Variants in ITGBL1 observed in about 807,000 individuals in gnomAD.
ITGBL1 encodes the protein integrin beta-like protein 1.
ITGBL1 carries 51 observed loss-of-function variants against 68.5 expected under a neutral mutation model. The observed-to-expected ratio is 0.74, with a 90% CI of 0.59 to 0.94. The LOEUF is 0.94. Ranked by LOEUF, ITGBL1 falls within the 40% of genes least tolerant of loss-of-function variation. The pLI, the probability that ITGBL1 is intolerant of heterozygous loss-of-function variation, is 0.00. For missense variants in ITGBL1, 649 were observed against 647.4 expected (o/e 1.00, Z -0.03); for synonymous variants, 209 against 227.3 (o/e 0.92, Z 0.72).
At chr13:101,624,384 T>C (rs1373506660) in intron 7 of ITGBL1, among the ~76,000 whole-genome samples, 2 of 152,156 alleles carry the variant, frequency 1.3e-5, no homozygotes, top group Non-Finnish European at 2.9e-5. Flanking sequence ...CACTTCCTTT[T>C]ATTTTCCCTG....
chr13:101,462,936 A>G (rs2048336932), intron 2 of ITGBL1, among the ~76,000 whole-genome samples: 1 of 152,174 alleles, frequency 6.6e-6, no homozygotes, highest in African/African-American at 2.4e-5. Context: ...AAGCATGAAG[A>G]GAGGGACTTA....
intron 2 of ITGBL1, among the ~76,000 whole-genome samples, chr13:101,531,881 C>T (rs970566964): frequency 2.0e-4 from 30 of 151,876 alleles, no homozygotes; most frequent in Non-Finnish European, 1.8e-4. Flanking sequence ...CAACAGGCGC[C>T]TGCCACAGGC....
intron 7 of ITGBL1, among the ~76,000 whole-genome samples, chr13:101,685,405 A>C (rs1194286729): frequency 6.6e-6 from 1 of 152,100 alleles, no homozygotes; most frequent in Non-Finnish European, 1.5e-5. Flanking sequence ...ACCTTGCCAA[A>C]ATGTTTTATT....
intron 6 of ITGBL1, among the ~76,000 whole-genome samples, chr13:101,593,559 A>G (rs1428494758): frequency 2.6e-5 from 4 of 152,122 alleles, no homozygotes; most frequent in Non-Finnish European, 5.9e-5. Context: ...AAATTGTGGT[A>G]TATATACACA....
At chr13:101,705,933 T>A (rs886365329) in intron 8 of ITGBL1, among the ~76,000 whole-genome samples, 2 of 152,164 alleles carry the variant, frequency 1.3e-5, no homozygotes, top group South Asian at 4.1e-4. Flanking sequence ...GGCAAATAGT[T>A]GATTCAGAGA....
At chr13:101,575,678 A>T in intron 4 of ITGBL1, 132 bp downstream of exon 4, 3 of 876,542 alleles carry the variant, frequency 3.4e-6, no homozygotes, top group Non-Finnish European at 5.3e-6. Flanking sequence ...TATCTGGAAA[A>T]CATTTCACAT....
rs1427490901 is a variant in ITGBL1 at position 101,715,715 on chromosome 13, G to C, written c.*61G>C. On this transcript the variant is annotated 3_prime_UTR_variant, in exon 11 of 11. Transcript: ENST00000376180. ...CTGGGCCATTAGAACAGATAAATGC[G>C]AAGGAAACCATGTATATTCACCACT... 3 of 1,057,484 alleles carry C rather than the reference G, an allele frequency of 2.8e-6. No individual in the cohort carries two copies. The highest frequency in any genetic ancestry group is 4.5e-6 in the Non-Finnish European group (3 of 673,304). 65.5% of individuals were successfully genotyped at this position (1,057,484 alleles called of 1,614,324 possible). A position where few individuals can be genotyped will look rare whatever the true frequency, so the allele number is the denominator to read the frequency against.
intron 7 of ITGBL1, among the ~76,000 whole-genome samples, chr13:101,650,722 G>T (rs1230503151): frequency 6.6e-6 from 1 of 151,352 alleles, no homozygotes; most frequent in Non-Finnish European, 1.5e-5. Context: ...TTGCTGTACA[G>T]ATCCGCCCAT....
At chr13:101,583,594 G>T (rs530645751) in intron 6 of ITGBL1, among the ~76,000 whole-genome samples, 2 of 152,192 alleles carry the variant, frequency 1.3e-5, no homozygotes, top group African/African-American at 2.4e-5. Flanking sequence ...TCTCCATGAT[G>T]TACTTATTTC....
At position 101,515,803 on chromosome 13, in the gene ITGBL1, C is replaced by T. The variant is rs1055106469; in HGVS notation, c.317-51896C>T. ...TGAGTCATCAGATTGATCTTCTCTG[C>T]GATGTACTTTAAAAATTACAATTCA... On this transcript the variant is annotated intron_variant, in intron 2 of 10. Transcript: ENST00000376180. Among the ~76,000 whole-genome samples, 7 of 152,052 alleles carry T rather than the reference C, an allele frequency of 4.6e-5. No homozygotes were observed. The East Asian group carries it at 5.8e-4, about 13-fold the overall frequency.
chr13:101,677,535 T>C (rs910045146), intron 7 of ITGBL1, among the ~76,000 whole-genome samples: 2 of 152,204 alleles, frequency 1.3e-5, no homozygotes, highest in African/African-American at 2.4e-5. Flanking sequence ...ATAGCACTTA[T>C]AAGTGGTAGA....
At chr13:101,453,567 G>A (rs928104974) in intron 1 of ITGBL1, among the ~76,000 whole-genome samples, 1 of 152,202 alleles carries the variant, frequency 6.6e-6, no homozygotes, top group Non-Finnish European at 1.5e-5. Flanking sequence ...GTGCATATAA[G>A]ATTTAGTGAT....
intron 2 of ITGBL1, among the ~76,000 whole-genome samples, chr13:101,530,526 C>G (rs1330202849): frequency 2.6e-5 from 4 of 152,132 alleles, no homozygotes; most frequent in African/African-American, 4.8e-5. Flanking sequence ...CCAGCCCTTC[C>G]CTTTTGGTGG....
At chr13:101,605,454 A>G (rs2030731858) in intron 7 of ITGBL1, among the ~76,000 whole-genome samples, 3 of 150,936 alleles carry the variant, frequency 2.0e-5, no homozygotes, top group Non-Finnish European at 4.4e-5. Flanking sequence ...ATATATACAC[A>G]TATATAGACA....
At chr13:101,575,059 C>T (rs181065661) in intron 3 of ITGBL1, among the ~76,000 whole-genome samples, 2 of 152,214 alleles carry the variant, frequency 1.3e-5, no homozygotes, top group Non-Finnish European at 2.9e-5. Flanking sequence ...AAGGTTGCTT[C>T]CCTCACAAAG....
chr13:101,515,617 TG>T (rs1223062676), intron 2 of ITGBL1, among the ~76,000 whole-genome samples: 1 of 152,154 alleles, frequency 6.6e-6, no homozygotes, highest in African/African-American at 2.4e-5. Context: ...TGTTTGGTTT[TG>T]TACTGACCAG....
At chr13:101,570,120 A>T (rs1457727643) in intron 3 of ITGBL1, among the ~76,000 whole-genome samples, 1 of 152,064 alleles carries the variant, frequency 6.6e-6, no homozygotes, top group African/African-American at 2.4e-5. Context: ...CTCCTCTCTC[A>T]TTTATCAGTT....
At chr13:101,520,492 T>C (rs1443848380) in intron 2 of ITGBL1, among the ~76,000 whole-genome samples, 1 of 152,162 alleles carries the variant, frequency 6.6e-6, no homozygotes, top group Non-Finnish European at 1.5e-5. Context: ...GAAGTAATCA[T>C]CTGGCCTTGG....
chr13:101,709,319 T>C (rs577408013), intron 9 of ITGBL1, among the ~76,000 whole-genome samples: 8 of 128,148 alleles, frequency 6.2e-5, no homozygotes, highest in Admixed American at 3.7e-4. Context: ...GAGCCGAGAT[T>C]GCGCCACTGC....
Sources: allele counts gnomAD v4.1 joint callset (sites outside exome capture counted in the v4.1 genomes callset), GRCh38; gene constraint gnomAD v4.1.1; transcripts MANE v1.5; gene names NCBI Gene and HGNC (gene_info 2026-07-23, HGNC 2026-07-21).